Variants in CYSLTR2 observed in about 807,000 individuals in gnomAD.
The protein encoded by CYSLTR2 is cysteinyl leukotriene receptor 2, also known as G-protein coupled receptor GPCR21.
For synonymous variants in CYSLTR2, 179 were observed against 160.8 expected (o/e 1.11, Z -0.86); for missense variants, 398 against 411.9 (o/e 0.97, Z 0.29).
intron 4 of CYSLTR2, among the ~76,000 whole-genome samples, chr13:48,701,752 C>T (rs1270679387): frequency 6.6e-6 from 1 of 152,152 alleles, no homozygotes; most frequent in Non-Finnish European, 1.5e-5. Flanking sequence ...ATTAAAAAGT[C>T]AGGAAACAAC....
intron 1 of CYSLTR2, among the ~76,000 whole-genome samples, chr13:48,685,274 TCACTCAC>T (rs1953868002): frequency 1.6e-5 from 1 of 62,744 alleles, no homozygotes. Flanking sequence ...TCACGAGAAC[TCACTCAC>T]GAGAACTCAC....
chr13:48,689,220 G>A (rs1325002134), intron 1 of CYSLTR2, among the ~76,000 whole-genome samples: 1 of 152,154 alleles, frequency 6.6e-6, no homozygotes. Context: ...TGTTCACTCT[G>A]ATGATAGTTG....
chr13:48,669,603 T>C (rs1953364722), intron 1 of CYSLTR2, among the ~76,000 whole-genome samples: 1 of 152,208 alleles, frequency 6.6e-6, no homozygotes, highest in African/African-American at 2.4e-5. Context: ...GCAAAGGACA[T>C]GAACTCATTA....
At chr13:48,697,131 C>T (rs1354173376) in intron 4 of CYSLTR2, among the ~76,000 whole-genome samples, 3 of 152,194 alleles carry the variant, frequency 2.0e-5, no homozygotes, top group Non-Finnish European at 2.9e-5. Context: ...CAGACTTAAA[C>T]GTCCCTGTCT....
In CYSLTR2 at chr13:48,707,251, G is replaced by A. The variant is rs199930465; in HGVS notation, c.434G>A (p.Arg145Gln). Residue 145 changes from arginine to glutamine, a missense_variant, in exon 5 of 5, where the codon CGG becomes CAG. Physicochemically the swap from Arg to Gln is conservative, Grantham distance 43. Coordinates refer to ENST00000682523, the MANE Select transcript of CYSLTR2 (RefSeq NM_001308476.3). ...VRFLAMVHPF[R>Q]LLHVTSIRSA... ...TTCCTGGCAATGGTTCACCCCTTTCGGCTTCTGCATGTCACCAGCATCAGG... is the reference window on the plus strand; with the variant it reads ...TTCCTGGCAATGGTTCACCCCTTTCAGCTTCTGCATGTCACCAGCATCAGG... 8.1e-5 allele frequency: 131 copies of A among 1,613,940 alleles called. No individual in the cohort carries two copies. The South Asian group carries it at 1.2e-3, about 15-fold the overall frequency.
chr13:48,686,082 G>A (rs1193794493), intron 1 of CYSLTR2, among the ~76,000 whole-genome samples: 3 of 152,124 alleles, frequency 2.0e-5, no homozygotes, highest in African/African-American at 7.2e-5. Flanking sequence ...TAACTTGAAG[G>A]ATTAATAACT....
chr13:48,701,216 T>C (rs1241434997), intron 4 of CYSLTR2, among the ~76,000 whole-genome samples: 1 of 152,232 alleles, frequency 6.6e-6, no homozygotes, highest in African/African-American at 2.4e-5. Flanking sequence ...GGCATCATGC[T>C]ACCTGACTTC....
Position 48,707,535 on chromosome 13 carries a change from G to A in CYSLTR2, c.718G>A (p.Val240Ile). The stretch of plus-strand genomic sequence containing the variant: ...GGAGGTCCCAGAATCGGGGCTGCGG[G>A]TTTCTCACAGGAAGGCACTGACCAC... ...KVEVPESGLR[V>I]SHRKALTTII... Residue 240 changes from valine to isoleucine, a missense_variant, in exon 5 of 5, where the codon GTT becomes ATT. Physicochemically the swap from Val to Ile is conservative, Grantham distance 29. Coordinates refer to ENST00000682523, the MANE Select transcript of CYSLTR2 (RefSeq NM_001308476.3). 1.2e-6 allele frequency: 2 copies of A among 1,608,812 alleles called. No homozygotes were observed. Among genetic ancestry groups the A allele is most frequent in the Non-Finnish European group, 1.7e-6 (2 of 1,180,004 alleles).
In CYSLTR2 at chr13:48,707,096, C is replaced by A. The variant is rs1311415009; in HGVS notation, c.279C>A (p.Phe93Leu). 5 of 1,614,062 alleles carry A rather than the reference C, an allele frequency of 3.1e-6. No homozygotes were observed. The South Asian group carries it at 5.5e-5, about 18-fold the overall frequency. ...TCCTGTTCATAAGCACGCTTCCCTTCAGGGCTGACTATTATCTTAGAGGCT... is the reference window on the plus strand; with the variant it reads ...TCCTGTTCATAAGCACGCTTCCCTTAAGGGCTGACTATTATCTTAGAGGCT... ...SDLLFISTLPFRADYYLRGSN... is the reference protein window; with the variant it reads ...SDLLFISTLPLRADYYLRGSN... The change falls in exon 5 of 5, where the codon TTC (phenylalanine) becomes TTA (leucine). Residue 93 changes from phenylalanine (F) to leucine (L), a missense_variant. By Grantham distance (22) the Phe-to-Leu change is conservative (BLOSUM62 0). Transcript: ENST00000682523.
chr13:48,664,379 A>AT (rs1272518658), intron 1 of CYSLTR2, among the ~76,000 whole-genome samples: 2 of 151,970 alleles, frequency 1.3e-5, no homozygotes, highest in African/African-American at 4.8e-5. Context: ...TTCTGCTTCA[A>AT]TTTTTTGGAA....
chr13:48,675,668 G>A lies in CYSLTR2; in HGVS notation c.-265-15544G>A, dbSNP rs150633382. ...CCAGAAAAGTGAATGGTTCTGTCTT[G>A]CTGGCATTCCAGGCTCCACCGAGGC... is the stretch of plus-strand genomic sequence containing the variant. On this transcript the variant is annotated intron_variant, in intron 1 of 4. Coordinates refer to ENST00000682523, the MANE Select transcript of CYSLTR2 (RefSeq NM_001308476.3). Among the ~76,000 whole-genome samples the A allele has an allele frequency of 4.9e-3, 739 of 152,010 alleles. 3 individuals carry two copies. Among genetic ancestry groups the A allele is most frequent in the Middle Eastern group, 0.014 (4 of 294 alleles).
Position 48,707,875 on chromosome 13 carries a change from A to T in CYSLTR2, c.*17A>T. ...AGAGTATAAGGAGCTCTTAGATGAG[A>T]CCTGTTCTTGTATCCTTGTGTCCAT... On this transcript the variant is annotated 3_prime_UTR_variant, in exon 5 of 5. Coordinates refer to ENST00000682523, the MANE Select transcript of CYSLTR2 (RefSeq NM_001308476.3). The T allele has an allele frequency of 1.3e-6, 2 of 1,502,518 alleles. No homozygotes were observed. The highest frequency in any genetic ancestry group is 2.3e-5 in the Admixed American group (1 of 43,886). 93.1% of individuals were successfully genotyped at this position (1,502,518 alleles called of 1,614,324 possible).
rs535458906 is a variant in CYSLTR2, at chr13:48,658,828, A to G, written c.-266+4811A>G. On this transcript the variant is annotated intron_variant, in intron 1 of 4. Transcript: ENST00000682523. ...TGGGGAGAGAATATGCTGGACAACA[A>G]GATCAATACTATGAAAAGCCTGGAG... 3.3e-5 allele frequency among the ~76,000 whole-genome samples: 5 copies of G among 152,272 alleles called. No individual in the cohort carries two copies. In the East Asian group the frequency reaches 9.6e-4, roughly 29 times the overall value.
intron 1 of CYSLTR2, among the ~76,000 whole-genome samples, chr13:48,664,109 G>A (rs1953198954): frequency 6.6e-6 from 1 of 151,862 alleles, no homozygotes; most frequent in African/African-American, 2.4e-5. Flanking sequence ...TCACTCTATT[G>A]ATGTGATGTA....
chr13:48,661,034 T>C (rs1953114802), intron 1 of CYSLTR2, among the ~76,000 whole-genome samples: 1 of 152,242 alleles, frequency 6.6e-6, no homozygotes. Flanking sequence ...TTATCTCACT[T>C]CATCCTTACA....
In CYSLTR2 at chr13:48,710,597, A is replaced by G. The variant is rs371584272; in HGVS notation, c.*2739A>G. ...AAAAAAAACACATGCTGAAGTTGCT[A>G]AGATCTACAGTAAGAACAAATCCAT... On this transcript the variant is annotated 3_prime_UTR_variant, in exon 5 of 5. Transcript: ENST00000682523. The G allele has an allele frequency of 3.3e-5, 5 of 152,348 alleles. No individual in the cohort carries two copies. In the East Asian group the frequency reaches 9.6e-4, roughly 29 times the overall value. 9.4% of individuals were successfully genotyped at this position (152,348 alleles called of 1,614,324 possible). A position where few individuals can be genotyped will look rare whatever the true frequency, so the allele number is the denominator to read the frequency against.
At chr13:48,695,832 A>G (rs1954171081) in intron 3 of CYSLTR2, among the ~76,000 whole-genome samples, 1 of 152,194 alleles carries the variant, frequency 6.6e-6, no homozygotes, top group Admixed American at 6.5e-5. Flanking sequence ...AGTTATTTCC[A>G]GTTTGGGGCT....
chr13:48,676,007 GC>G (rs1953586219), intron 1 of CYSLTR2, among the ~76,000 whole-genome samples: 1 of 152,204 alleles, frequency 6.6e-6, no homozygotes, highest in Non-Finnish European at 1.5e-5. Flanking sequence ...AATGAGATGA[GC>G]TGGGTACCTC....
chr13:48,684,832 A>G (rs1953856499), intron 1 of CYSLTR2, among the ~76,000 whole-genome samples: 1 of 152,220 alleles, frequency 6.6e-6, no homozygotes, highest in Non-Finnish European at 1.5e-5. Context: ...CTTATAAGAA[A>G]AGGAGAAGAC....
Sources: allele counts gnomAD v4.1 joint callset (sites outside exome capture counted in the v4.1 genomes callset), GRCh38; gene constraint gnomAD v4.1.1; transcripts MANE v1.5; gene names NCBI Gene and HGNC (gene_info 2026-07-23, HGNC 2026-07-21).